The following ZFAT variants were observed in gnomAD, a reference collection of about 807,000 sequenced individuals.
The protein encoded by ZFAT is zinc finger protein ZFAT.
Under a neutral mutation model 117.7 loss-of-function variants are expected in ZFAT, and 64 were observed. The observed-to-expected ratio is 0.54, with a 90% CI of 0.44 to 0.67. The LOEUF (loss-of-function observed/expected upper bound fraction) is 0.67. Ranked by LOEUF, ZFAT falls within the 30% of genes least tolerant of loss-of-function variation. ZFAT has a pLI of 0.00. For missense variants in ZFAT, 1,433 were observed against 1,584.5 expected, an observed-to-expected ratio of 0.90 and a Z score of 1.62; for synonymous variants, 679 against 615.0, an observed-to-expected ratio of 1.10 and a Z score of -1.54.
intron 11 of ZFAT, among the ~76,000 whole-genome samples, chr8:134,563,747 C>T (rs1360608810): frequency 6.6e-6 from 1 of 152,138 alleles, no homozygotes; most frequent in African/African-American, 2.4e-5. Flanking sequence ...TGGTACAGTG[C>T]CTGCACGCAA....
chr8:134,606,892 T>C (rs952928377), intron 5 of ZFAT, among the ~76,000 whole-genome samples: 9 of 152,172 alleles, frequency 5.9e-5, no homozygotes, highest in Admixed American at 1.3e-4. Context: ...TGACTTTTTT[T>C]CCCTCAGTTT....
At position 134,665,613 on chromosome 8, in the gene ZFAT, T is replaced by C. The variant is rs545618059; in HGVS notation, c.20-7876A>G. On this transcript the variant is annotated intron_variant, in intron 1 of 15. Transcript: ENST00000377838. ...AAACGTACATAGAAGTACATGCTCA[T>C]GGTAACAGTAAACAAAACAGCAGTC... 4.5e-4 allele frequency among the ~76,000 whole-genome samples: 69 copies of C among 152,298 alleles called. 2 individuals carry two copies. In the South Asian group the frequency reaches 0.013, roughly 28 times the overall value.
chr8:134,734,056 C>A, the ZFAT span, among the ~76,000 whole-genome samples: 1 of 152,350 alleles, frequency 6.6e-6, no homozygotes, highest in South Asian at 2.1e-4. Flanking sequence ...TGTGGTTACC[C>A]TCCTGCTTCA....
At chr8:134,513,345 G>T (rs1442922857) in intron 13 of ZFAT, among the ~76,000 whole-genome samples, 1 of 152,034 alleles carries the variant, frequency 6.6e-6, no homozygotes, top group South Asian at 2.1e-4. Context: ...TTACAGGCAC[G>T]CACCACCACA....
chr8:134,612,836 C>G (rs1398626951), intron 3 of ZFAT, among the ~76,000 whole-genome samples: 1 of 152,226 alleles, frequency 6.6e-6, no homozygotes, highest in African/African-American at 2.4e-5. Flanking sequence ...AGCATGATGA[C>G]TCCTATAAAG....
chr8:134,574,409 G>T (rs1297347574), intron 10 of ZFAT, among the ~76,000 whole-genome samples: 2 of 152,040 alleles, frequency 1.3e-5, no homozygotes, highest in Non-Finnish European at 2.9e-5. Flanking sequence ...GGCACTAACA[G>T]TATGTGCGGC....
At chr8:134,659,580 C>A (rs1165886443) in intron 1 of ZFAT, among the ~76,000 whole-genome samples, 1 of 152,176 alleles carries the variant, frequency 6.6e-6, no homozygotes, top group Non-Finnish European at 1.5e-5. Context: ...ATGGCTTGTG[C>A]GTGCAGAACT....
the ZFAT span, among the ~76,000 whole-genome samples, chr8:134,751,860 C>A: frequency 6.6e-6 from 1 of 152,202 alleles, no homozygotes; most frequent in East Asian, 1.9e-4. Context: ...GAAGCTGATT[C>A]ATTCAAAGCC....
chr8:134,724,159 G>GA, the ZFAT span, among the ~76,000 whole-genome samples: 1 of 152,188 alleles, frequency 6.6e-6, no homozygotes, highest in Admixed American at 6.5e-5. Context: ...GAACTCCAGA[G>GA]GGTGGACATG....
the ZFAT span, among the ~76,000 whole-genome samples, chr8:134,773,984 A>ATTTTTT: frequency 1.6e-3 from 169 of 103,274 alleles, 3 homozygotes; most frequent in African/African-American, 6.1e-3. Flanking sequence ...TTGAGGATTA[A>ATTTTTT]TTTTTTTTTT....
At chr8:134,569,841 G>GTA (rs1416182964) in intron 10 of ZFAT, among the ~76,000 whole-genome samples, 3 of 152,174 alleles carry the variant, frequency 2.0e-5, no homozygotes, top group Admixed American at 6.5e-5. Context: ...GCCTAAATCA[G>GTA]TATACCTAAA....
the ZFAT span, among the ~76,000 whole-genome samples, chr8:134,773,607 C>A: frequency 6.6e-6 from 1 of 152,138 alleles, no homozygotes; most frequent in Non-Finnish European, 1.5e-5. Context: ...AAGGAGTGAC[C>A]ATTCTAGATG....
chr8:134,753,185 A>C, the ZFAT span, among the ~76,000 whole-genome samples: 1 of 152,072 alleles, frequency 6.6e-6, no homozygotes, highest in African/African-American at 2.4e-5. Flanking sequence ...TGGGCTACAG[A>C]GTGAGTCCCT....
chr8:134,692,536 G>A (rs1024045899), intron 1 of ZFAT, among the ~76,000 whole-genome samples: 3 of 152,206 alleles, frequency 2.0e-5, no homozygotes, highest in Admixed American at 6.5e-5. Flanking sequence ...AAAAAGAAGC[G>A]AAACTCAGTC....
At chr8:134,644,515 C>A (rs1830763414) in intron 2 of ZFAT, among the ~76,000 whole-genome samples, 1 of 151,870 alleles carries the variant, frequency 6.6e-6, no homozygotes, top group Non-Finnish European at 1.5e-5. Context: ...CAATCATACA[C>A]ACATACACAA....
chr8:134,782,520 A>G, the ZFAT span, among the ~76,000 whole-genome samples: 2 of 152,208 alleles, frequency 1.3e-5, no homozygotes, highest in African/African-American at 4.8e-5. Flanking sequence ...ATTAATTAAA[A>G]TAACTACCTT....
chr8:134,818,417 A>G, the ZFAT span, among the ~76,000 whole-genome samples: 1 of 152,196 alleles, frequency 6.6e-6, no homozygotes, highest in Non-Finnish European at 1.5e-5. Flanking sequence ...TAAAACCACC[A>G]CTACTCACTA....
At chr8:134,831,950 C>A in the ZFAT span, among the ~76,000 whole-genome samples, 1 of 151,438 alleles carries the variant, frequency 6.6e-6, no homozygotes, top group African/African-American at 2.4e-5. Context: ...CCTCTCCGCT[C>A]CGGACGCCCT....
intron 2 of ZFAT, among the ~76,000 whole-genome samples, chr8:134,643,563 C>A (rs1464448285): frequency 6.6e-6 from 1 of 152,160 alleles, no homozygotes; most frequent in Non-Finnish European, 1.5e-5. Flanking sequence ...CTCTCTTTGA[C>A]AGGTGACAAA....
Sources: gnomAD v4.1 joint callset for allele counts (sites outside exome capture counted in the v4.1 genomes callset) on GRCh38, gnomAD v4.1.1 for gene constraint, MANE v1.5 for transcripts, NCBI Gene and HGNC (gene_info 2026-07-23, HGNC 2026-07-21) for gene names.